Variants in CAMK1D observed in about 807,000 individuals in gnomAD.
The protein encoded by CAMK1D is calcium/calmodulin dependent protein kinase ID.
In CAMK1D, 9 loss-of-function variants were observed where a neutral mutation model predicts 47.7. That is an observed-to-expected ratio of 0.19 (90% CI 0.11 to 0.33). The LOEUF is 0.33. Among genes scored for constraint, CAMK1D ranks in the 10% least tolerant of loss-of-function variants. The probability of loss-of-function intolerance (pLI) is 1.00; values close to 1 mark genes in which losing one functional copy is unlikely to be tolerated. For missense variants in CAMK1D, 291 were observed against 488.7 expected, an observed-to-expected ratio of 0.60 and a Z score of 3.81; for synonymous variants, 184 against 184.9, an observed-to-expected ratio of 0.99 and a Z score of 0.04.
intron 1 of CAMK1D, among the ~76,000 whole-genome samples, chr10:12,388,835 C>T (rs1838617066): frequency 6.6e-6 from 1 of 152,146 alleles, no homozygotes; most frequent in Non-Finnish European, 1.5e-5. Flanking sequence ...TCGTGAGATG[C>T]AGCACGAATG....
At chr10:12,733,754 G>A (rs973663326) in intron 3 of CAMK1D, among the ~76,000 whole-genome samples, 2 of 152,088 alleles carry the variant, frequency 1.3e-5, no homozygotes, top group Non-Finnish European at 2.9e-5. Flanking sequence ...TGAGTTATTT[G>A]GCTCAAATGG....
intron 2 of CAMK1D, among the ~76,000 whole-genome samples, chr10:12,662,581 G>A (rs2132540359): frequency 6.6e-6 from 1 of 151,934 alleles, no homozygotes; most frequent in East Asian, 1.9e-4. Flanking sequence ...GAACCCGGGG[G>A]GCGGAGCTTG....
chr10:12,666,378 C>A (rs1318161431), intron 2 of CAMK1D, among the ~76,000 whole-genome samples: 1 of 152,198 alleles, frequency 6.6e-6, no homozygotes, highest in African/African-American at 2.4e-5. Flanking sequence ...TCCGTGATGG[C>A]CACTGGGAGA....
intron 3 of CAMK1D, among the ~76,000 whole-genome samples, chr10:12,702,224 G>A (rs1406813245): frequency 1.3e-5 from 2 of 152,180 alleles, no homozygotes; most frequent in Admixed American, 6.5e-5. Flanking sequence ...GGTGGAGGAC[G>A]CTGCTCTTGG....
chr10:12,500,063 C>G (rs188610618), intron 1 of CAMK1D, among the ~76,000 whole-genome samples: 1 of 152,032 alleles, frequency 6.6e-6, no homozygotes, highest in African/African-American at 2.4e-5. Context: ...GTCAGGAGTT[C>G]GAGACCAGCC....
At chr10:12,710,587 T>C (rs569323146) in intron 3 of CAMK1D, among the ~76,000 whole-genome samples, 8 of 152,346 alleles carry the variant, frequency 5.3e-5, no homozygotes, top group African/African-American at 1.9e-4. Context: ...GCTCAGGTCC[T>C]GCAAGTTGTG....
intron 6 of CAMK1D, among the ~76,000 whole-genome samples, chr10:12,808,565 G>T (rs1037980767): frequency 6.6e-6 from 1 of 152,170 alleles, no homozygotes; most frequent in African/African-American, 2.4e-5. Context: ...GTCACCTGAG[G>T]TCAGGAGTTT....
chr10:12,683,565 T>C (rs1184746048), intron 3 of CAMK1D, among the ~76,000 whole-genome samples: 2 of 152,202 alleles, frequency 1.3e-5, no homozygotes, highest in Non-Finnish European at 1.5e-5. Flanking sequence ...GTGCTCCTTA[T>C]GTGGTTTTTA....
At chr10:12,433,253 G>A (rs371842510) in intron 1 of CAMK1D, among the ~76,000 whole-genome samples, 13 of 152,206 alleles carry the variant, frequency 8.5e-5, no homozygotes, top group African/African-American at 2.6e-4. Flanking sequence ...TGCCTACCAC[G>A]TTTGTGGAGC....
chr10:12,632,001 G>A (rs1030645497), intron 2 of CAMK1D, among the ~76,000 whole-genome samples: 12 of 152,244 alleles, frequency 7.9e-5, no homozygotes, highest in African/African-American at 2.9e-4. Context: ...AGCTCTTAAC[G>A]CACCACACCG....
intron 2 of CAMK1D, among the ~76,000 whole-genome samples, chr10:12,596,554 A>G (rs1003998950): frequency 3.3e-5 from 5 of 152,106 alleles, no homozygotes; most frequent in East Asian, 3.8e-4. Flanking sequence ...TAACACTCCA[A>G]ATCTCTTAGT....
At chr10:12,712,223 A>C (rs986875421) in intron 3 of CAMK1D, among the ~76,000 whole-genome samples, 10 of 152,220 alleles carry the variant, frequency 6.6e-5, no homozygotes, top group Admixed American at 5.2e-4. Context: ...CTCCAGGGAC[A>C]ATAGGAGCTG....
At chr10:12,584,095 CT>C (rs747899447) in intron 2 of CAMK1D, among the ~76,000 whole-genome samples, 3 of 152,168 alleles carry the variant, frequency 2.0e-5, no homozygotes, top group Non-Finnish European at 4.4e-5. Flanking sequence ...GGAAGTTGAA[CT>C]TGATTATCCC....
At chr10:12,394,958 A>G (rs1838886685) in intron 1 of CAMK1D, among the ~76,000 whole-genome samples, 1 of 152,058 alleles carries the variant, frequency 6.6e-6, no homozygotes, top group Non-Finnish European at 1.5e-5. Flanking sequence ...GTGCTGGCCC[A>G]GGTGAGCTCA....
In CAMK1D at chr10:12,821,906, G is replaced by A. The variant is rs539682632; in HGVS notation, c.834-2559G>A. Among the ~76,000 whole-genome samples the A allele has an allele frequency of 3.9e-5, 6 of 152,258 alleles. No homozygotes were observed. In the South Asian group the frequency reaches 6.2e-4, roughly 16 times the overall value. On this transcript the variant is annotated intron_variant, in intron 8 of 10. Coordinates refer to ENST00000619168, the MANE Select transcript of CAMK1D (RefSeq NM_153498.4). ...AGGAGAATCACTTGAACCCAAAGGCGGAGGTTGCAGTGAGTCGAGATCGCA... is the reference window on the plus strand; with the variant it reads ...AGGAGAATCACTTGAACCCAAAGGCAGAGGTTGCAGTGAGTCGAGATCGCA...
Position 12,553,302 on chromosome 10 carries a change from A to G in CAMK1D, c.170A>G (p.Lys57Arg), listed in dbSNP as rs980794056. The G allele has an allele frequency of 4.3e-6, 7 of 1,614,200 alleles. No individual in the cohort carries two copies. The highest frequency in any genetic ancestry group is 3.3e-5 in the Admixed American group (2 of 60,024). ...KLFAVKCIPKKALKGKESSIE... is the reference protein window; with the variant it reads ...KLFAVKCIPKRALKGKESSIE... ...TTTGCTGTGAAGTGTATCCCTAAGAAGGCGCTGAAGGGCAAGGAAAGCAGC... is the reference window on the plus strand; with the variant it reads ...TTTGCTGTGAAGTGTATCCCTAAGAGGGCGCTGAAGGGCAAGGAAAGCAGC... Residue 57 changes from lysine (K) to arginine (R), a missense_variant, in exon 2 of 11, where the codon AAG (lysine) becomes AGG (arginine). By Grantham distance (26) the Lys-to-Arg change is conservative (BLOSUM62 2). Around this residue, in one of 2 missense-constraint regions of CAMK1D, gnomAD observed 219 missense variants for 424.3 expected, o/e 0.52. Coordinates refer to ENST00000619168, the MANE Select transcript of CAMK1D (RefSeq NM_153498.4).
At chr10:12,810,476 T>C (rs902728591) in intron 6 of CAMK1D, among the ~76,000 whole-genome samples, 20 of 152,262 alleles carry the variant, frequency 1.3e-4, no homozygotes, top group African/African-American at 4.6e-4. Flanking sequence ...GGTTTCACCA[T>C]GTTGGCCAGG....
chr10:12,663,214 G>T (rs1840329838), intron 2 of CAMK1D, among the ~76,000 whole-genome samples: 1 of 151,854 alleles, frequency 6.6e-6, no homozygotes, highest in African/African-American at 2.4e-5. Flanking sequence ...GCCCACCTCG[G>T]CCTCCCAAAG....
chr10:12,776,302 G>T (rs1837244478), intron 5 of CAMK1D, among the ~76,000 whole-genome samples: 1 of 152,256 alleles, frequency 6.6e-6, no homozygotes, highest in African/African-American at 2.4e-5. Flanking sequence ...GGGTGCAGTT[G>T]TCTTTGCTGG....
Sources: gnomAD v4.1 joint callset for allele counts (sites outside exome capture counted in the v4.1 genomes callset) on GRCh38, gnomAD v4.1.1 for gene constraint, gnomAD v4.1.1 regional missense constraint, MANE v1.5 for transcripts, NCBI Gene and HGNC (gene_info 2026-07-23, HGNC 2026-07-21) for gene names.